The following RANBP2 variants were observed in gnomAD, a reference collection of about 807,000 sequenced individuals.
The protein encoded by RANBP2 is RAN binding protein 2, also known as E3 SUMO-protein ligase RanBP2.
A neutral mutation model predicts 303.6 loss-of-function variants in RANBP2; 57 were observed. That is an observed-to-expected ratio of 0.19 (90% confidence interval 0.15 to 0.23). RANBP2 has a LOEUF of 0.23. Among genes scored for constraint, RANBP2 ranks in the 10% least tolerant of loss-of-function variants. The pLI is 1.00. For missense variants in RANBP2, 3,138 were observed against 3,780.8 expected (o/e 0.83, Z 4.46); for synonymous variants, 1,167 against 1,301.5 (o/e 0.90, Z 2.23).
At chr2:108,742,507 T>C (rs1256086069) in intron 7 of RANBP2, among the ~76,000 whole-genome samples, 1 of 151,964 alleles carries the variant, frequency 6.6e-6, no homozygotes. Context: ...GGTTTCACCA[T>C]GTTAGCCAGG....
At chr2:108,802,600 TCCTAACTG>T in the RANBP2 span, among the ~76,000 whole-genome samples, 1 of 141,630 alleles carries the variant, frequency 7.1e-6, no homozygotes, top group East Asian at 2.1e-4. Context: ...CTTCCTCTTT[TCCTAACTG>T]AATACCTTTT....
the RANBP2 span, among the ~76,000 whole-genome samples, chr2:109,651,656 C>T: frequency 9.2e-5 from 14 of 152,278 alleles, no homozygotes; most frequent in South Asian, 2.1e-4. Context: ...CTGACTCATA[C>T]GCCTTGGCTA....
At chr2:109,116,294 A>T in the RANBP2 span, among the ~76,000 whole-genome samples, 1 of 152,094 alleles carries the variant, frequency 6.6e-6, no homozygotes, top group East Asian at 1.9e-4. Flanking sequence ...TGGTCTTTTC[A>T]CATAGTTCCA....
the RANBP2 span, among the ~76,000 whole-genome samples, chr2:109,472,984 C>T: frequency 1.3e-5 from 2 of 152,212 alleles, no homozygotes; most frequent in Non-Finnish European, 2.9e-5. Flanking sequence ...CTACCCGACT[C>T]GTGGGGCCTT....
chr2:109,173,435 C>T, the RANBP2 span, among the ~76,000 whole-genome samples: 4 of 152,188 alleles, frequency 2.6e-5, no homozygotes, highest in Admixed American at 2.6e-4. Flanking sequence ...GGATAAATGA[C>T]ATAGTTCTTC....
At chr2:108,742,281 G>A (rs1696171928) in intron 7 of RANBP2, among the ~76,000 whole-genome samples, 2 of 150,966 alleles carry the variant, frequency 1.3e-5, no homozygotes, top group Non-Finnish European at 3.0e-5. Context: ...CAGGCAGTGA[G>A]CCACCATGCC....
the RANBP2 span, among the ~76,000 whole-genome samples, chr2:108,817,780 C>G: frequency 2.0e-5 from 3 of 152,124 alleles, no homozygotes. Flanking sequence ...GGCTGAGACC[C>G]ATTTTAGACT....
the RANBP2 span, among the ~76,000 whole-genome samples, chr2:109,517,829 C>T: frequency 7.9e-5 from 12 of 152,228 alleles, no homozygotes. Context: ...TCCACAAGGA[C>T]AATGCCATCC....
chr2:108,999,750 T>TA, the RANBP2 span, among the ~76,000 whole-genome samples: 1 of 152,194 alleles, frequency 6.6e-6, no homozygotes, highest in Non-Finnish European at 1.5e-5. Context: ...AGTAGTTTTT[T>TA]AAAAAATTAC....
the RANBP2 span, among the ~76,000 whole-genome samples, chr2:109,542,380 G>C: frequency 6.6e-6 from 1 of 152,188 alleles, no homozygotes; most frequent in East Asian, 1.9e-4. Context: ...TAAGTCTAGA[G>C]AGTCTCAGGC....
chr2:108,805,872 CAA>C, the RANBP2 span, among the ~76,000 whole-genome samples: 1 of 151,974 alleles, frequency 6.6e-6, no homozygotes, highest in African/African-American at 2.4e-5. Context: ...TAAAGAGAGA[CAA>C]GAGAATGATT....
chr2:108,903,376 T>G, the RANBP2 span, among the ~76,000 whole-genome samples: 1 of 151,912 alleles, frequency 6.6e-6, no homozygotes, highest in African/African-American at 2.4e-5. Context: ...TTTGTACATA[T>G]AGGGAAGATT....
chr2:109,221,409 C>T, the RANBP2 span, among the ~76,000 whole-genome samples: 1 of 151,998 alleles, frequency 6.6e-6, no homozygotes, highest in Non-Finnish European at 1.5e-5. Flanking sequence ...ATGGCAAAAC[C>T]CTGTCTCTAC....
At chr2:108,896,844 C>T in the RANBP2 span, 3 of 1,523,198 alleles carry the variant, frequency 2.0e-6, no homozygotes, top group Non-Finnish European at 2.7e-6. Context: ...GCACCACTCA[C>T]AGCTCCAGAG....
the RANBP2 span, chr2:109,436,812 G>T: frequency 6.5e-7 from 1 of 1,527,046 alleles, no homozygotes; most frequent in South Asian, 1.3e-5. Context: ...CAGCAGGTCA[G>T]AGCGAGGCTC....
the RANBP2 span, among the ~76,000 whole-genome samples, chr2:109,371,285 A>G: frequency 2.6e-5 from 4 of 152,192 alleles, no homozygotes; most frequent in Non-Finnish European, 5.9e-5. Context: ...AGCTACTTGG[A>G]AGGCTGAGGC....
chr2:109,655,384 A>C, the RANBP2 span, among the ~76,000 whole-genome samples: 1 of 152,154 alleles, frequency 6.6e-6, no homozygotes, highest in East Asian at 1.9e-4. Flanking sequence ...CAAGTCTCTC[A>C]CTCAAGAATT....
intron 21 of RANBP2, 35 bp from the exon 22 acceptor site, chr2:108,772,454 T>C: frequency 6.3e-7 from 1 of 1,581,600 alleles, no homozygotes; most frequent in Non-Finnish European, 8.7e-7. Flanking sequence ...CCCCCAAAAT[T>C]AACTAGAAAT....
At chr2:109,663,280 A>G in the RANBP2 span, among the ~76,000 whole-genome samples, 1 of 152,204 alleles carries the variant, frequency 6.6e-6, no homozygotes, top group Non-Finnish European at 1.5e-5. Context: ...AGCACTTTGC[A>G]CATACTCTGT....
Sources: gnomAD v4.1 joint callset for allele counts (sites outside exome capture counted in the v4.1 genomes callset) on GRCh38, gnomAD v4.1.1 for gene constraint, MANE v1.5 for transcripts, NCBI Gene and HGNC (gene_info 2026-07-23, HGNC 2026-07-21) for gene names.